Variants in COL25A1 observed in about 807,000 individuals in gnomAD.
The protein encoded by COL25A1 is collagen type XXV alpha 1 chain, also known as collagen alpha-1(XXV) chain.
Under a neutral mutation model 128.4 loss-of-function variants are expected in COL25A1, and 103 were observed. That is an observed-to-expected ratio of 0.80 (90% CI 0.68 to 0.94). The LOEUF (loss-of-function observed/expected upper bound fraction) is 0.94, where lower values mean the gene tolerates loss of function less well. Among genes scored for constraint, COL25A1 ranks in the 40% least tolerant of loss-of-function variants. The probability of loss-of-function intolerance (pLI) is 0.00; values close to 1 mark genes in which losing one functional copy is unlikely to be tolerated. For synonymous variants in COL25A1, 279 were observed against 277.2 expected (o/e 1.01, Z -0.06); for missense variants, 745 against 840.0 (o/e 0.89, Z 1.40).
At chr4:109,145,766 G>A (rs1026898023) in intron 3 of COL25A1, among the ~76,000 whole-genome samples, 3 of 152,062 alleles carry the variant, frequency 2.0e-5, no homozygotes, top group South Asian at 2.1e-4. Flanking sequence ...ACTTGAACCC[G>A]GGAGATGGAG....
intron 11 of COL25A1, among the ~76,000 whole-genome samples, chr4:108,924,630 C>T (rs559252975): frequency 6.6e-5 from 10 of 152,314 alleles, no homozygotes; most frequent in Admixed American, 2.0e-4. Context: ...CCTTAGCTAA[C>T]GTAACGTTCA....
At chr4:108,819,359 C>T in intron 35 of COL25A1, 30 bp from the exon 36 acceptor site, 1 of 1,560,696 alleles carries the variant, frequency 6.4e-7, no homozygotes, top group Non-Finnish European at 8.8e-7. Context: ...CATAATGTTA[C>T]TAACACAAGA....
chr4:109,089,555 C>T (rs1161128052), intron 3 of COL25A1, among the ~76,000 whole-genome samples: 1 of 152,178 alleles, frequency 6.6e-6, no homozygotes, highest in African/African-American at 2.4e-5. Flanking sequence ...ATCAGATCTA[C>T]TTGAGGCATA....
intron 15 of COL25A1, 139 bp downstream of exon 15, chr4:108,899,015 C>T: frequency 3.1e-6 from 2 of 641,302 alleles, no homozygotes; most frequent in Middle Eastern, 2.6e-4. Flanking sequence ...ATCTATATAC[C>T]TACCTACCTA....
At position 108,838,457 on chromosome 4, in the gene COL25A1, G is replaced by A. The variant is rs1578499789; in HGVS notation, c.1656+3238C>T. 2.0e-5 allele frequency among the ~76,000 whole-genome samples: 3 copies of A among 152,028 alleles called. No homozygotes were observed. In the East Asian group the frequency reaches 5.8e-4, roughly 29 times the overall value. On this transcript the variant is annotated intron_variant, in intron 31 of 37. Transcript: ENST00000399132. ...CCTAAATTTTTCAGTTCCATCTCAAGGAAATTCATGTTATACCACATTTTT... is the reference window on the plus strand; with the variant it reads ...CCTAAATTTTTCAGTTCCATCTCAAAGAAATTCATGTTATACCACATTTTT...
At chr4:109,239,414 ATATATATATTTATT>A (rs1363609948) in intron 3 of COL25A1, among the ~76,000 whole-genome samples, 1 of 134,928 alleles carries the variant, frequency 7.4e-6, no homozygotes, top group Non-Finnish European at 1.6e-5. Context: ...ATATATATAT[ATATATATATTTATT>A]TATTTATTTA....
At position 108,860,961 on chromosome 4, in the gene COL25A1, C is replaced by T; in HGVS notation, c.1208G>A (p.Gly403Glu). ...RGPKGSKGDR[G>E]EKGDSGAQGP... ...CTGAGCTCCAGAGTCCCCTTTTTCTCCACGATCCCCCTTTTCCCGTTGGAA... is the reference window on the plus strand; with the variant it reads ...CTGAGCTCCAGAGTCCCCTTTTTCTTCACGATCCCCCTTTTCCCGTTGGAA... Residue 403 changes from glycine to glutamate, a missense_variant, in exon 23 of 38, where the codon GGA becomes GAA. Gly to Glu is a moderately conservative substitution (Grantham distance 98, BLOSUM62 -2). This residue lies in a region of COL25A1 where 387 missense variants were observed against 441.9 expected (regional missense o/e 0.88). Coordinates refer to ENST00000399132, the MANE Select transcript of COL25A1 (RefSeq NM_198721.4). The T allele has an allele frequency of 1.2e-6, 2 of 1,613,572 alleles. No homozygotes were observed. Among genetic ancestry groups the T allele is most frequent in the South Asian group, 1.1e-5 (1 of 91,064 alleles).
At chr4:109,216,840 G>T (rs925588501) in intron 3 of COL25A1, among the ~76,000 whole-genome samples, 3 of 152,080 alleles carry the variant, frequency 2.0e-5, no homozygotes, top group Non-Finnish European at 4.4e-5. Flanking sequence ...TAAAAGCAGG[G>T]TATATTAAGG....
intron 3 of COL25A1, among the ~76,000 whole-genome samples, chr4:109,283,782 C>T (rs1723610848): frequency 6.6e-6 from 1 of 152,196 alleles, no homozygotes. Flanking sequence ...AGAAACTCAT[C>T]AAGCCCTACT....
At chr4:109,180,225 A>AT (rs1422157950) in intron 3 of COL25A1, among the ~76,000 whole-genome samples, 1 of 152,192 alleles carries the variant, frequency 6.6e-6, no homozygotes, top group African/African-American at 2.4e-5. Flanking sequence ...TGACCATAAC[A>AT]TAAGACCTTT....
intron 3 of COL25A1, among the ~76,000 whole-genome samples, chr4:109,218,794 GT>G (rs1418427002): frequency 6.6e-6 from 1 of 152,072 alleles, no homozygotes; most frequent in South Asian, 2.1e-4. Flanking sequence ...TCTCATGGGA[GT>G]TTTTTATCTA....
At chr4:109,173,249 C>T (rs1038656847) in intron 3 of COL25A1, among the ~76,000 whole-genome samples, 1 of 151,668 alleles carries the variant, frequency 6.6e-6, no homozygotes, top group Non-Finnish European at 1.5e-5. Context: ...CCACATCCAG[C>T]TAATTTAAAA....
At chr4:108,879,965 C>A (rs565652422) in intron 19 of COL25A1, among the ~76,000 whole-genome samples, 17 of 151,404 alleles carry the variant, frequency 1.1e-4, no homozygotes, top group Non-Finnish European at 2.1e-4. Context: ...CCTGCCACCA[C>A]GCCCAGCTAA....
intron 13 of COL25A1, among the ~76,000 whole-genome samples, chr4:108,901,628 C>T (rs2125866105): frequency 6.6e-6 from 1 of 152,200 alleles, no homozygotes; most frequent in Non-Finnish European, 1.5e-5. Context: ...ACATATACAT[C>T]TTTGAACACC....
intron 24 of COL25A1, among the ~76,000 whole-genome samples, chr4:108,856,772 A>G (rs1439047396): frequency 6.6e-6 from 1 of 152,148 alleles, no homozygotes; most frequent in African/African-American, 2.4e-5. Flanking sequence ...AAACAGAAGT[A>G]TATCGTTTCA....
At chr4:109,222,871 T>C (rs1344670134) in intron 3 of COL25A1, among the ~76,000 whole-genome samples, 2 of 152,234 alleles carry the variant, frequency 1.3e-5, no homozygotes, top group Non-Finnish European at 2.9e-5. Context: ...GTCTTGTATA[T>C]ATCTGGAAAG....
intron 3 of COL25A1, among the ~76,000 whole-genome samples, chr4:109,055,503 G>T (rs1478051687): frequency 6.6e-6 from 1 of 152,160 alleles, no homozygotes; most frequent in East Asian, 1.9e-4. Flanking sequence ...GAGTTCTGTG[G>T]CTCAATGCAC....
intron 3 of COL25A1, among the ~76,000 whole-genome samples, chr4:109,055,235 C>T (rs1313888947): frequency 6.6e-6 from 1 of 152,184 alleles, no homozygotes; most frequent in East Asian, 1.9e-4. Context: ...TCTCTCCATA[C>T]TCATAAAATG....
At chr4:108,853,057 T>C (rs889524435) in intron 24 of COL25A1, 132 bp from the exon 25 acceptor site, 45 of 706,754 alleles carry the variant, frequency 6.4e-5, no homozygotes, top group Non-Finnish European at 9.6e-6. Context: ...TTTGACAAGA[T>C]ACTGAGAACA....
Sources: allele counts gnomAD v4.1 joint callset (sites outside exome capture counted in the v4.1 genomes callset), GRCh38; gene constraint gnomAD v4.1.1; regional missense constraint gnomAD v4.1.1; transcripts MANE v1.5; gene names NCBI Gene and HGNC (gene_info 2026-07-23, HGNC 2026-07-21).